GRIN2B: variants seen among roughly 807,000 people sequenced by gnomAD.
GRIN2B encodes glutamate receptor ionotropic, NMDA 2B.
A neutral mutation model predicts 114.5 loss-of-function variants in GRIN2B; 5 were observed. The ratio of observed to expected loss-of-function variants is 0.04; its 90% CI spans 0.02 to 0.09. The LOEUF is 0.09. Ranked by LOEUF, GRIN2B falls within the 10% of genes least tolerant of loss-of-function variation. The pLI, the probability that GRIN2B is intolerant of heterozygous loss-of-function variation, is 1.00. For synonymous variants in GRIN2B, 787 were observed against 745.1 expected (o/e 1.06, Z -0.92); for missense variants, 1,108 against 1,943.5 (o/e 0.57, Z 8.08).
At chr12:13,958,107 T>C (rs1867624212) in intron 2 of GRIN2B, among the ~76,000 whole-genome samples, 1 of 152,100 alleles carries the variant, frequency 6.6e-6, no homozygotes, top group East Asian at 1.9e-4. Flanking sequence ...TGGGAAGAGG[T>C]CTATTTGCAC....
Position 13,540,160 on chromosome 12 carries a change from C to T in GRIN2B, c.*22623G>A, listed in dbSNP as rs753895836. 1 of 152,148 alleles carries T rather than the reference C, an allele frequency of 6.6e-6. No homozygotes were observed. The highest frequency in any genetic ancestry group is 1.5e-5 in the Non-Finnish European group (1 of 68,026). 9.4% of individuals were successfully genotyped at this position (152,148 alleles called of 1,614,324 possible). On this transcript the variant is annotated 3_prime_UTR_variant, in exon 14 of 14. Coordinates refer to ENST00000609686, the MANE Select transcript of GRIN2B (RefSeq NM_000834.5). ...AACTGGGCAAGGGGTTTTTCCCAAA[C>T]AGCACTTTTAACAATCTTTTTGGAA... is the stretch of plus-strand genomic sequence containing the variant.
chr12:13,585,440 G>A (rs538378155), intron 10 of GRIN2B, among the ~76,000 whole-genome samples: 1 of 152,272 alleles, frequency 6.6e-6, no homozygotes, highest in South Asian at 2.1e-4. Flanking sequence ...CAGCCCAGCA[G>A]AGCTTCTTCC....
At chr12:13,925,265 C>T (rs1183415645) in intron 2 of GRIN2B, among the ~76,000 whole-genome samples, 2 of 152,128 alleles carry the variant, frequency 1.3e-5, no homozygotes, top group African/African-American at 4.8e-5. Flanking sequence ...AAACTTGACC[C>T]ACGACCCTGG....
At chr12:13,794,158 T>C (rs1450802700) in intron 3 of GRIN2B, among the ~76,000 whole-genome samples, 5 of 126,284 alleles carry the variant, frequency 4.0e-5, no homozygotes, top group Non-Finnish European at 7.7e-5. Flanking sequence ...TGAGTTGAGA[T>C]CACTTCATTG....
At chr12:13,637,175 T>C (rs1949673656) in intron 5 of GRIN2B, among the ~76,000 whole-genome samples, 1 of 152,200 alleles carries the variant, frequency 6.6e-6, no homozygotes, top group Admixed American at 6.5e-5. Flanking sequence ...TATAATCTTG[T>C]ACTCATTGGC....
intron 10 of GRIN2B, among the ~76,000 whole-genome samples, chr12:13,605,377 C>A (rs117854903): frequency 1.3e-5 from 2 of 152,004 alleles, no homozygotes; most frequent in South Asian, 4.2e-4. Flanking sequence ...AAAAGCCTCC[C>A]GGGCAGATGC....
At chr12:13,680,541 T>C (rs1565497999) in intron 4 of GRIN2B, among the ~76,000 whole-genome samples, 1 of 151,582 alleles carries the variant, frequency 6.6e-6, no homozygotes, top group Non-Finnish European at 1.5e-5. Flanking sequence ...AGAAACCAGA[T>C]GGTCTGCCTC....
intron 5 of GRIN2B, among the ~76,000 whole-genome samples, chr12:13,651,441 A>G (rs10492131): frequency 0.077 from 11,658 of 152,178 alleles, 644 homozygotes; most frequent in South Asian, 0.14. Context: ...GACGGGAAAG[A>G]AAAATATCTC....
intron 2 of GRIN2B, among the ~76,000 whole-genome samples, chr12:13,876,334 C>A (rs986340752): frequency 2.0e-5 from 3 of 152,180 alleles, no homozygotes; most frequent in Non-Finnish European, 4.4e-5. Flanking sequence ...GCATCTAGCA[C>A]AATGCAGTTA....
At chr12:13,908,057 T>C (rs1446197691) in intron 2 of GRIN2B, among the ~76,000 whole-genome samples, 1 of 152,130 alleles carries the variant, frequency 6.6e-6, no homozygotes, top group Non-Finnish European at 1.5e-5. Context: ...TCCTACACCA[T>C]ACCCCAGTTA....
chr12:13,632,866 A>G (rs777899691), intron 5 of GRIN2B, among the ~76,000 whole-genome samples: 1 of 152,224 alleles, frequency 6.6e-6, no homozygotes, highest in Non-Finnish European at 1.5e-5. Flanking sequence ...CCTAGGACCT[A>G]TCTCAGACCA....
At chr12:13,835,127 G>T (rs1187308594) in intron 3 of GRIN2B, among the ~76,000 whole-genome samples, 1 of 152,116 alleles carries the variant, frequency 6.6e-6, no homozygotes, top group Non-Finnish European at 1.5e-5. Context: ...AATTCAACTG[G>T]CTCAAAGAGC....
At position 13,848,442 on chromosome 12, in the gene GRIN2B, T is replaced by C. The variant is rs552473109; in HGVS notation, c.411+17356A>G. On this transcript the variant is annotated intron_variant, in intron 3 of 13. Coordinates refer to ENST00000609686, the MANE Select transcript of GRIN2B (RefSeq NM_000834.5). ...GCAGAGGGAAGCAGGAAAAGAGTCC[T>C]CTGGGCAGGCAAAGGGCAGAAAAAA... is the stretch of plus-strand genomic sequence containing the variant. Among the ~76,000 whole-genome samples, 14 of 152,108 alleles carry C rather than the reference T, an allele frequency of 9.2e-5. 1 individual carries two copies. The South Asian group carries it at 2.9e-3, about 32-fold the overall frequency.
At chr12:13,950,046 G>C (rs373522574) in intron 2 of GRIN2B, among the ~76,000 whole-genome samples, 1 of 152,086 alleles carries the variant, frequency 6.6e-6, no homozygotes. Context: ...AAAAATAAGA[G>C]ACAACCAGAG....
At chr12:13,611,619 A>G (rs1949366432) in intron 9 of GRIN2B, 106 bp downstream of exon 9, 1 of 1,152,768 alleles carries the variant, frequency 8.7e-7, no homozygotes, top group Non-Finnish European at 1.3e-6. Flanking sequence ...GTTCCTTTTC[A>G]GAAATGGATA....
intron 5 of GRIN2B, among the ~76,000 whole-genome samples, chr12:13,651,238 T>C (rs191196484): frequency 2.8e-4 from 42 of 152,142 alleles, no homozygotes; most frequent in African/African-American, 9.6e-4. Context: ...AGAGAAGAAA[T>C]GACAAGGGCA....
rs1410990452 is a variant in GRIN2B, at chr12:13,723,140, TTTG to T, written c.1010+30174_1010+30176del. Among the ~76,000 whole-genome samples, 164 of 150,228 alleles carry T rather than the reference TTTG, an allele frequency of 1.1e-3. 2 individuals carry two copies. In the South Asian group the frequency reaches 0.02, roughly 18 times the overall value. ...TGAATAAATGCTTACACCTTTTTTT[TTTG>T]TTTTTTATTATTATACTTTAAGTTC... On this transcript the variant is annotated intron_variant, in intron 4 of 13. Transcript: ENST00000609686.
At chr12:13,730,503 A>G (rs1863070495) in intron 4 of GRIN2B, among the ~76,000 whole-genome samples, 1 of 152,158 alleles carries the variant, frequency 6.6e-6, no homozygotes, top group Admixed American at 6.5e-5. Flanking sequence ...ATAGATGAAG[A>G]AGCAAGCCCA....
chr12:13,895,853 C>A (rs931380983), intron 2 of GRIN2B, among the ~76,000 whole-genome samples: 1 of 152,048 alleles, frequency 6.6e-6, no homozygotes, highest in Non-Finnish European at 1.5e-5. Flanking sequence ...TGTGTGTTGG[C>A]TCTTTTTTAA....
Sources: gnomAD v4.1 joint callset for allele counts (sites outside exome capture counted in the v4.1 genomes callset) on GRCh38, gnomAD v4.1.1 for gene constraint, MANE v1.5 for transcripts, NCBI Gene and HGNC (gene_info 2026-07-23, HGNC 2026-07-21) for gene names.